RBFOX1: variants seen among roughly 807,000 people sequenced by gnomAD.
RBFOX1 encodes the protein RNA binding fox-1 homolog 1, also known as RNA binding protein fox-1 homolog 1.
In RBFOX1, 8 loss-of-function variants were observed where a neutral mutation model predicts 57.7. The ratio of observed to expected loss-of-function variants is 0.14; its 90% CI spans 0.08 to 0.25. The LOEUF (loss-of-function observed/expected upper bound fraction) is 0.25. RBFOX1 is among the 10% of genes least tolerant of loss of function. The pLI is 1.00. For missense variants in RBFOX1, 611 were observed against 548.5 expected (o/e 1.11, Z -1.14); for synonymous variants, 326 against 222.4 (o/e 1.47, Z -4.15).
intron 4 of RBFOX1, among the ~76,000 whole-genome samples, chr16:7,515,077 G>C (rs1600589166): frequency 6.6e-6 from 1 of 152,212 alleles, no homozygotes; most frequent in South Asian, 2.1e-4. Flanking sequence ...ACAGATCTTT[G>C]AGCAGAAGCT....
intron 2 of RBFOX1, among the ~76,000 whole-genome samples, chr16:6,641,011 G>C (rs1340583861): frequency 6.6e-6 from 1 of 152,144 alleles, no homozygotes; most frequent in Non-Finnish European, 1.5e-5. Context: ...CAAGTAAGTT[G>C]CTATCTGACT....
At position 6,456,060 on chromosome 16, in the gene RBFOX1, A is replaced by G. The variant is rs573434661; in HGVS notation, c.-64+139003A>G. Among the ~76,000 whole-genome samples, 4 of 152,310 alleles carry G rather than the reference A, an allele frequency of 2.6e-5. No individual in the cohort carries two copies. The East Asian group carries it at 7.7e-4, about 29-fold the overall frequency. On this transcript the variant is annotated intron_variant, in intron 2 of 15. Transcript: ENST00000550418. ...AAAGAAAAAAAGAAACAAAGATTAT[A>G]TGTCTTTATATGTCGAGCTATATTG...
chr16:6,148,394 C>A (rs564758027), intron 1 of RBFOX1, among the ~76,000 whole-genome samples: 1 of 152,306 alleles, frequency 6.6e-6, no homozygotes, highest in South Asian at 2.1e-4. Context: ...TTTCACTTTT[C>A]TATTTCTCAA....
intron 4 of RBFOX1, among the ~76,000 whole-genome samples, chr16:7,081,025 G>C (rs1334351004): frequency 6.6e-6 from 1 of 152,136 alleles, no homozygotes; most frequent in Non-Finnish European, 1.5e-5. Context: ...GCTGGCCGTA[G>C]CCACACTGGC....
rs554430427 is a variant in RBFOX1 at position 6,081,364 on chromosome 16, G to T, written c.-127+61372G>T. Among the ~76,000 whole-genome samples the T allele has an allele frequency of 2.0e-5, 3 of 152,272 alleles. No homozygotes were observed. In the East Asian group the frequency reaches 5.8e-4, roughly 29 times the overall value. ...GATTAGTATAACATTCCGGAGTTCA[G>T]GTCTCTGTTATCTTGTTTCTCTGTC... On this transcript the variant is annotated intron_variant, in intron 1 of 15. Transcript: ENST00000550418.
intron 4 of RBFOX1, among the ~76,000 whole-genome samples, chr16:7,185,600 C>G (rs888176595): frequency 1.3e-5 from 2 of 152,188 alleles, no homozygotes; most frequent in South Asian, 2.1e-4. Flanking sequence ...TTTTATTACA[C>G]TTTGAGAAAC....
chr16:7,051,163 G>A (rs1490424373), intron 3 of RBFOX1, among the ~76,000 whole-genome samples: 3 of 152,196 alleles, frequency 2.0e-5, no homozygotes, highest in East Asian at 3.8e-4. Flanking sequence ...AAAGGTGAAT[G>A]AAGACCTAAA....
At chr16:7,661,096 T>G (rs1332043682) in intron 12 of RBFOX1, among the ~76,000 whole-genome samples, 2 of 152,152 alleles carry the variant, frequency 1.3e-5, no homozygotes, top group East Asian at 3.9e-4. Context: ...GCTCGTGCTG[T>G]TACTATTAGG....
intron 13 of RBFOX1, among the ~76,000 whole-genome samples, chr16:7,675,187 A>G (rs1380350106): frequency 6.6e-6 from 1 of 152,180 alleles, no homozygotes; most frequent in East Asian, 1.9e-4. Context: ...TGAACAAGCT[A>G]TATAGAAAAA....
At chr16:5,772,301 C>T (rs1025760258) in intron 3 of RBFOX1, among the ~76,000 whole-genome samples, 1 of 152,150 alleles carries the variant, frequency 6.6e-6, no homozygotes, top group East Asian at 1.9e-4. Context: ...TGGCAGGCTC[C>T]CTCCATGTAG....
intron 3 of RBFOX1, among the ~76,000 whole-genome samples, chr16:5,805,253 G>A (rs962211421): frequency 4.6e-5 from 7 of 151,816 alleles, no homozygotes; most frequent in Non-Finnish European, 1.0e-4. Context: ...GGTTAGAGAG[G>A]GTCAGACAGG....
intron 3 of RBFOX1, among the ~76,000 whole-genome samples, chr16:6,931,829 C>G (rs780189125): frequency 1.3e-5 from 2 of 152,004 alleles, no homozygotes; most frequent in Non-Finnish European, 2.9e-5. Context: ...TTTTGGAGGT[C>G]GGAAAGTCCA....
intron 4 of RBFOX1, among the ~76,000 whole-genome samples, chr16:7,475,561 C>A (rs1344701807): frequency 6.6e-6 from 1 of 152,104 alleles, no homozygotes; most frequent in Non-Finnish European, 1.5e-5. Context: ...TGATCACCCA[C>A]CTTGGCCTCC....
Position 7,277,012 on chromosome 16 carries a change from T to A in RBFOX1, c.27+224914T>A, listed in dbSNP as rs1482749620. Among the ~76,000 whole-genome samples, 3 of 152,356 alleles carry A rather than the reference T, an allele frequency of 2.0e-5. No individual in the cohort carries two copies. The East Asian group carries it at 5.8e-4, about 29-fold the overall frequency. ...TAGATGGTATAACTTTGCGTCTTTT[T>A]CAAGTTATTTTTACAGAAAGAAATG... On this transcript the variant is annotated intron_variant, in intron 4 of 15. Coordinates refer to ENST00000550418, the MANE Select transcript of RBFOX1 (RefSeq NM_018723.4).
chr16:6,921,300 C>G (rs2074390987), intron 3 of RBFOX1, among the ~76,000 whole-genome samples: 1 of 152,156 alleles, frequency 6.6e-6, no homozygotes, highest in South Asian at 2.1e-4. Context: ...TAGCTGTGTC[C>G]TTTGTTCATG....
intron 1 of RBFOX1, among the ~76,000 whole-genome samples, chr16:5,384,763 C>T (rs1192919715): frequency 1.3e-5 from 2 of 152,176 alleles, no homozygotes; most frequent in African/African-American, 4.8e-5. Context: ...ACTAGAGACT[C>T]TAGGGCCAGC....
intron 4 of RBFOX1, among the ~76,000 whole-genome samples, chr16:5,915,868 A>C (rs570447096): frequency 2.6e-5 from 4 of 152,266 alleles, no homozygotes; most frequent in African/African-American, 9.6e-5. Flanking sequence ...ACAATATGAC[A>C]CATTACCATC....
At chr16:7,241,560 T>G (rs2094060563) in intron 4 of RBFOX1, among the ~76,000 whole-genome samples, 1 of 152,204 alleles carries the variant, frequency 6.6e-6, no homozygotes, top group South Asian at 2.1e-4. Context: ...TTATGAATTT[T>G]GTTTGGGTTG....
intron 3 of RBFOX1, among the ~76,000 whole-genome samples, chr16:7,019,064 G>T (rs1045275160): frequency 2.0e-5 from 3 of 151,704 alleles, no homozygotes; most frequent in Non-Finnish European, 4.4e-5. Context: ...GTTTTTAGAA[G>T]TGTGTGTGTG....
Sources: gnomAD v4.1 joint callset for allele counts (sites outside exome capture counted in the v4.1 genomes callset) on GRCh38, gnomAD v4.1.1 for gene constraint, MANE v1.5 for transcripts, NCBI Gene and HGNC (gene_info 2026-07-23, HGNC 2026-07-21) for gene names.